EXOC4: variants seen among roughly 807,000 people sequenced by gnomAD.
EXOC4 encodes the protein SEC8-like 1.
In EXOC4, 71 loss-of-function variants were observed where a neutral mutation model predicts 107.2. The ratio of observed to expected loss-of-function variants is 0.66; its 90% confidence interval spans 0.55 to 0.81. EXOC4 has a LOEUF of 0.81. EXOC4 is among the 30% of genes least tolerant of loss of function. The pLI, the probability that EXOC4 is intolerant of heterozygous loss-of-function variation, is 0.00. For synonymous variants in EXOC4, 456 were observed against 441.2 expected (o/e 1.03, Z -0.42); for missense variants, 1,108 against 1,189.6 (o/e 0.93, Z 1.01).
At chr7:133,431,734 AG>A (rs781138335) in intron 7 of EXOC4, among the ~76,000 whole-genome samples, 2 of 152,216 alleles carry the variant, frequency 1.3e-5, no homozygotes, top group Non-Finnish European at 2.9e-5. Flanking sequence ...GTGTGCCATG[AG>A]GGATAGGTTT....
At chr7:133,519,619 A>G (rs1159224691) in intron 9 of EXOC4, among the ~76,000 whole-genome samples, 2 of 152,182 alleles carry the variant, frequency 1.3e-5, no homozygotes, top group Admixed American at 6.5e-5. Flanking sequence ...AAAAAAAGCC[A>G]AAGAGGAATC....
chr7:134,093,844 C>T, the EXOC4 span, among the ~76,000 whole-genome samples: 1 of 151,928 alleles, frequency 6.6e-6, no homozygotes, highest in African/African-American at 2.4e-5. Flanking sequence ...ACAACAAAAT[C>T]AAGACAGAAA....
At chr7:133,817,659 A>C (rs1797405609) in intron 11 of EXOC4, 115 bp downstream of exon 11, 2 of 735,070 alleles carry the variant, frequency 2.7e-6, no homozygotes, top group Non-Finnish European at 2.2e-6. Context: ...CAGGGACAAA[A>C]CAAAAGAAAA....
chr7:133,586,545 A>G (rs1354334530), intron 9 of EXOC4, among the ~76,000 whole-genome samples: 1 of 152,164 alleles, frequency 6.6e-6, no homozygotes, highest in East Asian at 1.9e-4. Context: ...GATTCCAGGA[A>G]TGTCTTTGCT....
intron 11 of EXOC4, among the ~76,000 whole-genome samples, chr7:133,857,244 CATATATAT>C (rs1222894526): frequency 1.5e-4 from 1 of 6,584 alleles, no homozygotes; most frequent in African/African-American, 7.8e-4. Context: ...CTTAGTGTCA[CATATATAT>C]ATATATATAT....
At chr7:133,898,220 G>T (rs7793739) in intron 12 of EXOC4, among the ~76,000 whole-genome samples, 93,893 of 151,848 alleles carry the variant, frequency 0.62, 31,577 homozygotes, top group African/African-American at 0.89. Flanking sequence ...TTTAAATGCA[G>T]GCTAAAAAAA....
At chr7:133,943,379 A>G (rs998636894) in intron 14 of EXOC4, among the ~76,000 whole-genome samples, 2 of 152,218 alleles carry the variant, frequency 1.3e-5, no homozygotes, top group Non-Finnish European at 2.9e-5. Flanking sequence ...GATGTTAACT[A>G]ATGCTAAAGG....
intron 13 of EXOC4, among the ~76,000 whole-genome samples, chr7:133,936,196 C>T (rs1800295480): frequency 6.6e-6 from 1 of 152,200 alleles, no homozygotes; most frequent in Admixed American, 6.5e-5. Flanking sequence ...ATTCCATGCG[C>T]TCGGTTCACT....
intron 7 of EXOC4, among the ~76,000 whole-genome samples, chr7:133,418,453 G>A (rs923313473): frequency 6.6e-6 from 1 of 152,196 alleles, no homozygotes; most frequent in African/African-American, 2.4e-5. Flanking sequence ...TAAAGTCACA[G>A]TGTTCATGGA....
At position 133,961,822 on chromosome 7, in the gene EXOC4, C is replaced by T. The variant is rs531287959; in HGVS notation, c.2206+23753C>T. Among the ~76,000 whole-genome samples, 4 of 152,264 alleles carry T rather than the reference C, an allele frequency of 2.6e-5. No homozygotes were observed. In the South Asian group the frequency reaches 8.3e-4, roughly 32 times the overall value. ...AACCTAGGCCAGTGTAACTCTTAGA[C>T]CAGACTCTTTCAACAGCAGTAATAG... On this transcript the variant is annotated intron_variant, in intron 14 of 17. Transcript: ENST00000253861.
At chr7:133,398,563 A>G (rs1483549255) in intron 7 of EXOC4, among the ~76,000 whole-genome samples, 1 of 152,220 alleles carries the variant, frequency 6.6e-6, no homozygotes, top group Non-Finnish European at 1.5e-5. Context: ...GGATTAGAGC[A>G]CACAGTAGGG....
intron 10 of EXOC4, among the ~76,000 whole-genome samples, chr7:133,706,740 C>T (rs1278072576): frequency 6.6e-6 from 1 of 152,084 alleles, no homozygotes; most frequent in African/African-American, 2.4e-5. Context: ...TTTGGACTAG[C>T]CACATTTGAA....
Position 133,997,385 on chromosome 7 carries a change from T to C in EXOC4, c.2207-107T>C, listed in dbSNP as rs947034329. ...GGACTTCTAATGCTGCCAACACTAG[T>C]GTTAACCAAGCTAGTAAAAACAAGA... On this transcript the variant is annotated intron_variant, in intron 14 of 17. Transcript: ENST00000253861. 11 of 1,228,492 alleles carry C rather than the reference T, an allele frequency of 9.0e-6. No homozygotes were observed. In the Admixed American group the frequency reaches 1.2e-4, roughly 14 times the overall value. The allele number at this position is 1,228,492 out of a possible 1,614,324, so 76.1% of individuals were successfully genotyped here.
chr7:133,550,463 A>T (rs1563104858), intron 9 of EXOC4, among the ~76,000 whole-genome samples: 1 of 152,172 alleles, frequency 6.6e-6, no homozygotes, highest in Non-Finnish European at 1.5e-5. Flanking sequence ...TTTTCTTGAA[A>T]AATGTAACTC....
At chr7:133,466,351 G>C (rs894214301) in intron 7 of EXOC4, among the ~76,000 whole-genome samples, 1 of 151,908 alleles carries the variant, frequency 6.6e-6, no homozygotes, top group Non-Finnish European at 1.5e-5. Context: ...AAAGAGAGAA[G>C]TCTAAAGAAT....
At chr7:134,040,531 C>T (rs1278417268) in intron 17 of EXOC4, among the ~76,000 whole-genome samples, 2 of 152,140 alleles carry the variant, frequency 1.3e-5, no homozygotes, top group African/African-American at 4.8e-5. Context: ...AAGTCATTGC[C>T]ATGTTACTTG....
intron 1 of EXOC4, among the ~76,000 whole-genome samples, chr7:133,262,450 GTATTA>G (rs1795176811): frequency 6.6e-6 from 1 of 151,820 alleles, no homozygotes; most frequent in Non-Finnish European, 1.5e-5. Context: ...GAAAATTCTT[GTATTA>G]TATTTGACAC....
At chr7:133,605,443 A>G (rs534494871) in intron 9 of EXOC4, among the ~76,000 whole-genome samples, 27 of 151,992 alleles carry the variant, frequency 1.8e-4, no homozygotes, top group African/African-American at 5.3e-4. Flanking sequence ...CCACTAATCT[A>G]TTTTCTGTCT....
chr7:133,908,652 T>G (rs1040480400), intron 12 of EXOC4, among the ~76,000 whole-genome samples: 2 of 152,164 alleles, frequency 1.3e-5, no homozygotes, highest in Non-Finnish European at 2.9e-5. Context: ...AGGGTGGTTG[T>G]GAGGATTAAA....
Sources: gnomAD v4.1 joint callset for allele counts (sites outside exome capture counted in the v4.1 genomes callset) on GRCh38, gnomAD v4.1.1 for gene constraint, MANE v1.5 for transcripts, NCBI Gene and HGNC (gene_info 2026-07-23, HGNC 2026-07-21) for gene names.